Variants in SMCHD1 observed in about 807,000 individuals in gnomAD.
SMCHD1 encodes structural maintenance of chromosomes flexible hinge domain containing 1, also known as structural maintenance of chromosomes flexible hinge domain-containing protein 1.
Under a neutral mutation model 254.7 loss-of-function variants are expected in SMCHD1, and 78 were observed. The observed-to-expected ratio is 0.31, with a 90% confidence interval of 0.26 to 0.37. The LOEUF (loss-of-function observed/expected upper bound fraction) is 0.37. SMCHD1 is among the 10% of genes least tolerant of loss of function. The pLI, the probability that SMCHD1 is intolerant of heterozygous loss-of-function variation, is 1.00. For synonymous variants in SMCHD1, 766 were observed against 794.9 expected, an observed-to-expected ratio of 0.96 and a Z score of 0.61; for missense variants, 1,840 against 2,408.1, an observed-to-expected ratio of 0.76 and a Z score of 4.94.
chr18:2,666,671 T>A (rs1194894901), intron 2 of SMCHD1, among the ~76,000 whole-genome samples, 199 bp from the exon 3 acceptor site: 1 of 152,238 alleles, frequency 6.6e-6, no homozygotes, highest in Non-Finnish European at 1.5e-5. Flanking sequence ...GAATTGAGTG[T>A]TTCAAATGAA....
chr18:2,673,320 C>A lies in SMCHD1; in HGVS notation c.464C>A (p.Ala155Asp). The A allele has an allele frequency of 1.3e-6, 2 of 1,585,182 alleles. No homozygotes were observed. The highest frequency in any genetic ancestry group is 1.1e-5 in the South Asian group (1 of 87,696). ...GAATTAATTGACAATTCATTGTCTG[C>A]TACTTCTCGTAACATTGGGGTTAGA... ...LAELIDNSLS[A>D]TSRNIGVRRI... Residue 155 changes from alanine to aspartate, a missense_variant, in exon 4 of 48, where the codon GCT becomes GAT. Physicochemically the swap from Ala to Asp is moderately radical, Grantham distance 126 (BLOSUM62 -2). Around this residue, in one of 9 missense-constraint regions of SMCHD1, gnomAD observed 498 missense variants for 743.5 expected, o/e 0.67. Transcript: ENST00000320876.
chr18:2,715,427 T>C (rs1422275216), intron 17 of SMCHD1, among the ~76,000 whole-genome samples: 1 of 151,918 alleles, frequency 6.6e-6, no homozygotes, highest in African/African-American at 2.4e-5. Context: ...TCCATGAATT[T>C]TTTTATTACA....
chr18:2,752,494 A>G lies in SMCHD1; in HGVS notation c.4288A>G (p.Thr1430Ala), dbSNP rs1383272673. The G allele has an allele frequency of 6.2e-7, 1 of 1,601,406 alleles. No homozygotes were observed. The highest frequency in any genetic ancestry group is 2.2e-5 in the East Asian group (1 of 44,672). The change falls in exon 34 of 48, where the codon ACA becomes GCA. Residue 1430 changes from threonine (T) to alanine (A), a missense_variant. Physicochemically the swap from Thr to Ala is moderately conservative, Grantham distance 58. Transcript: ENST00000320876. ...CTCCTACTCCCCTTTCTAGGCAGAA[A>G]CATTTAGTTGTAATAAAATAAAAGA... is the stretch of plus-strand genomic sequence containing the variant. ...SGNRPPANAETFSCNKIKDND... is the reference protein window; with the variant it reads ...SGNRPPANAEAFSCNKIKDND...
chr18:2,705,153 G>C (rs1330741420), intron 13 of SMCHD1, among the ~76,000 whole-genome samples: 3 of 152,256 alleles, frequency 2.0e-5, no homozygotes, highest in Admixed American at 6.5e-5. Flanking sequence ...TGTGTGAAGA[G>C]AAATAGTTTA....
At position 2,786,742 on chromosome 18, in the gene SMCHD1, C is replaced by T. The variant is rs570091966; in HGVS notation, c.5719+2121C>T. Among the ~76,000 whole-genome samples the T allele has an allele frequency of 3.9e-5, 6 of 152,214 alleles. No homozygotes were observed. In the South Asian group the frequency reaches 1.2e-3, roughly 32 times the overall value. ...ACTGTAGAAGATTTCTTTTTGGCTCCTCCACTCCCTACCACCACTCCATAC... is the reference window on the plus strand; with the variant it reads ...ACTGTAGAAGATTTCTTTTTGGCTCTTCCACTCCCTACCACCACTCCATAC... On this transcript the variant is annotated intron_variant, in intron 45 of 47. Coordinates refer to ENST00000320876, the MANE Select transcript of SMCHD1 (RefSeq NM_015295.3).
chr18:2,675,225 G>GTCA (rs2073714063), intron 5 of SMCHD1, among the ~76,000 whole-genome samples: 1 of 149,056 alleles, frequency 6.7e-6, no homozygotes, highest in East Asian at 2.0e-4. Context: ...TATAGAAGCT[G>GTCA]TCATTTTAGT....
intron 34 of SMCHD1, among the ~76,000 whole-genome samples, chr18:2,757,261 A>G (rs2075699494): frequency 6.6e-6 from 1 of 151,710 alleles, no homozygotes; most frequent in African/African-American, 2.4e-5. Flanking sequence ...TCCTGGCTGG[A>G]GGGCCATGGT....
chr18:2,784,427 TAC>T (rs772044008), intron 44 of SMCHD1, 21 bp from the exon 45 acceptor site: 2 of 1,578,396 alleles, frequency 1.3e-6, no homozygotes, highest in African/African-American at 1.4e-5. Flanking sequence ...GCTCACTACT[TAC>T]TATTCACTTA....
At chr18:2,750,279 A>G in intron 31 of SMCHD1, 71 bp from the exon 32 acceptor site, 3 of 1,497,616 alleles carry the variant, frequency 2.0e-6, no homozygotes, top group African/African-American at 1.4e-5. Flanking sequence ...TGAACTTTGC[A>G]TAAATTGTCT....
At position 2,701,170 on chromosome 18, in the gene SMCHD1, T is replaced by G. The variant is rs184722548; in HGVS notation, c.1647+252T>G. 3,468 of 268,112 alleles carry G rather than the reference T, an allele frequency of 0.013. 40 individuals carry two copies. The highest frequency in any genetic ancestry group is 0.019 in the Non-Finnish European group (2,693 of 143,700). The allele number at this position is 268,112 out of a possible 1,614,324, so 16.6% of individuals were successfully genotyped here. ...ATCTTCATTAGTTTTTTTTGTTTTT[T>G]TTTTTTTAAGACAGGAGTTTCACTC... is the stretch of plus-strand genomic sequence containing the variant. On this transcript the variant is annotated intron_variant, in intron 12 of 47. Coordinates refer to ENST00000320876, the MANE Select transcript of SMCHD1 (RefSeq NM_015295.3).
chr18:2,770,200 A>T, intron 39 of SMCHD1, 92 bp downstream of exon 39: 1 of 1,296,296 alleles, frequency 7.7e-7, no homozygotes, highest in Non-Finnish European at 1.0e-6. Context: ...CCACTTTCCT[A>T]AATTACAAGT....
rs559180536 is a variant in SMCHD1, at chr18:2,694,571, A to G, written c.918A>G (p.Leu306=). 1 of 1,605,390 alleles carries G rather than the reference A, an allele frequency of 6.2e-7. No individual in the cohort carries two copies. Among genetic ancestry groups the G allele is most frequent in the East Asian group, 2.2e-5 (1 of 44,756 alleles). The change falls in exon 8 of 48, where the codon CTA becomes CTG. Residue 306 remains leucine (L), a synonymous_variant. Transcript: ENST00000320876. Reference sequence around the variant, plus strand: ...TTACAAATGATGATGAAAGATTTCTACATCATCTTATCATAGAGGAGAAGG... The same window carrying G: ...TTACAAATGATGATGAAAGATTTCTGCATCATCTTATCATAGAGGAGAAGG... ...VHITNDDERF[L]HHLIIEEKEK...
At chr18:2,660,229 C>T (rs917452324) in intron 1 of SMCHD1, among the ~76,000 whole-genome samples, 7 of 152,152 alleles carry the variant, frequency 4.6e-5, no homozygotes, top group African/African-American at 1.7e-4. Flanking sequence ...GAGGCTGAGG[C>T]AGGGAGAATT....
chr18:2,685,751 T>G (rs895917710), intron 5 of SMCHD1, among the ~76,000 whole-genome samples: 1 of 152,234 alleles, frequency 6.6e-6, no homozygotes, highest in African/African-American at 2.4e-5. Flanking sequence ...TTATTTCACT[T>G]AGCATAATTT....
chr18:2,776,905 C>G (rs908340336), intron 42 of SMCHD1, among the ~76,000 whole-genome samples: 1 of 152,030 alleles, frequency 6.6e-6, no homozygotes, highest in African/African-American at 2.4e-5. Flanking sequence ...AATACTTTTT[C>G]TTTTCTTAAG....
intron 7 of SMCHD1, among the ~76,000 whole-genome samples, chr18:2,692,383 T>C (rs1215579122): frequency 6.6e-6 from 1 of 152,184 alleles, no homozygotes; most frequent in Non-Finnish European, 1.5e-5. Context: ...CCATGTCTCT[T>C]AAAAGAAAGA....
chr18:2,677,000 T>G (rs1415892016), intron 5 of SMCHD1, among the ~76,000 whole-genome samples: 4 of 152,212 alleles, frequency 2.6e-5, no homozygotes, highest in Admixed American at 2.0e-4. Context: ...TCTCCTTCAT[T>G]CTATGATAGT....
chr18:2,732,152 G>C (rs1313230166), intron 24 of SMCHD1, 113 bp from the exon 25 acceptor site: 1 of 726,052 alleles, frequency 1.4e-6, no homozygotes, highest in Admixed American at 2.9e-5. Flanking sequence ...GACAAAACCT[G>C]TGAGTATAAC....
At chr18:2,752,802 T>C in intron 34 of SMCHD1, 2 of 365,926 alleles carry the variant, frequency 5.5e-6, no homozygotes, top group Non-Finnish European at 5.0e-6. Flanking sequence ...AGAATTCTTT[T>C]ATGTTGTCAG....
Sources: gnomAD v4.1 joint callset for allele counts (sites outside exome capture counted in the v4.1 genomes callset) on GRCh38, gnomAD v4.1.1 for gene constraint, gnomAD v4.1.1 regional missense constraint, MANE v1.5 for transcripts, NCBI Gene and HGNC (gene_info 2026-07-23, HGNC 2026-07-21) for gene names.